Variants in FCHSD2 observed in about 807,000 individuals in gnomAD.
FCHSD2 encodes FCH and double SH3 domains 2.
In FCHSD2, 38 loss-of-function variants were observed where a neutral mutation model predicts 108.1. The observed-to-expected ratio is 0.35, with a 90% CI of 0.27 to 0.46. The LOEUF is 0.46. FCHSD2 is among the 20% of genes least tolerant of loss of function. The pLI is 1.00. For synonymous variants in FCHSD2, 279 were observed against 314.7 expected (o/e 0.89, Z 1.20); for missense variants, 751 against 897.8 (o/e 0.84, Z 2.09).
intron 11 of FCHSD2, 149 bp downstream of exon 11, chr11:72,889,680 T>G (rs575124792): frequency 5.5e-5 from 32 of 580,762 alleles, no homozygotes; most frequent in Non-Finnish European, 9.3e-5. Flanking sequence ...ACCACTGCCC[T>G]TCAACCTGGG....
chr11:73,124,188 C>G (rs1418180531), intron 2 of FCHSD2, among the ~76,000 whole-genome samples: 2 of 152,142 alleles, frequency 1.3e-5, no homozygotes, highest in African/African-American at 2.4e-5. Flanking sequence ...CATGTTCTCA[C>G]TCATGGATGG....
intron 9 of FCHSD2, among the ~76,000 whole-genome samples, chr11:72,907,882 C>A (rs1855667331): frequency 6.6e-6 from 1 of 152,072 alleles, no homozygotes; most frequent in African/African-American, 2.4e-5. Flanking sequence ...CGTGAGCCAC[C>A]ATGCCTGGCT....
Position 73,083,755 on chromosome 11 carries a change from A to G in FCHSD2, c.120-15T>C. The G allele has an allele frequency of 1.3e-6, 2 of 1,482,590 alleles. No individual in the cohort carries two copies. Among genetic ancestry groups the G allele is most frequent in the African/African-American group, 2.8e-5 (2 of 71,948 alleles). The allele number at this position is 1,482,590 out of a possible 1,614,324, so 91.8% of individuals were successfully genotyped here. On this transcript the variant is annotated splice_polypyrimidine_tract_variant and intron_variant, in intron 2 of 19. Coordinates refer to ENST00000409418, the MANE Select transcript of FCHSD2 (RefSeq NM_014824.3). ...GACTGAATGTCCTAAAAATACAAAGAAAAATTAATTACCAGAAGGATAACT... is the reference window on the plus strand; with the variant it reads ...GACTGAATGTCCTAAAAATACAAAGGAAAATTAATTACCAGAAGGATAACT...
chr11:72,993,029 C>T (rs1464058675), intron 5 of FCHSD2, among the ~76,000 whole-genome samples: 4 of 152,098 alleles, frequency 2.6e-5, no homozygotes, highest in Non-Finnish European at 5.9e-5. Context: ...GGCTAATAAC[C>T]AGAATCTACA....
chr11:73,109,523 T>C (rs1173914095), intron 2 of FCHSD2, among the ~76,000 whole-genome samples: 4 of 152,192 alleles, frequency 2.6e-5, no homozygotes, highest in Non-Finnish European at 5.9e-5. Context: ...TTGTTCACTG[T>C]TGGCATACAG....
At chr11:72,974,312 T>C (rs911923829) in intron 8 of FCHSD2, among the ~76,000 whole-genome samples, 1 of 152,194 alleles carries the variant, frequency 6.6e-6, no homozygotes, top group South Asian at 2.1e-4. Context: ...CTTTTCCTTT[T>C]ATCAGGAACC....
chr11:73,114,840 G>A (rs193026093), intron 2 of FCHSD2, among the ~76,000 whole-genome samples: 132 of 152,134 alleles, frequency 8.7e-4, no homozygotes, highest in African/African-American at 2.8e-3. Context: ...CTTCTCAAGC[G>A]GAAGGAGGGG....
intron 8 of FCHSD2, among the ~76,000 whole-genome samples, chr11:72,930,839 T>C (rs939489467): frequency 2.0e-5 from 3 of 152,102 alleles, no homozygotes; most frequent in African/African-American, 7.2e-5. Context: ...GGATGGCTAA[T>C]GGGTACAAAA....
chr11:73,139,649 C>T (rs1321637058), intron 2 of FCHSD2, among the ~76,000 whole-genome samples: 2 of 152,190 alleles, frequency 1.3e-5, no homozygotes, highest in East Asian at 1.9e-4. Context: ...TTGACTGGCT[C>T]ACCCCCAGAT....
At chr11:72,886,559 C>G (rs1055234740) in intron 12 of FCHSD2, among the ~76,000 whole-genome samples, 1 of 152,130 alleles carries the variant, frequency 6.6e-6, no homozygotes, top group African/African-American at 2.4e-5. Context: ...CTAACAAGAA[C>G]CTAATCTTTT....
intron 3 of FCHSD2, among the ~76,000 whole-genome samples, chr11:73,045,055 G>A (rs574557158): frequency 1.4e-5 from 2 of 147,644 alleles, no homozygotes; most frequent in Admixed American, 6.9e-5. Context: ...GGGCGACAGA[G>A]CAAGACTCCA....
At chr11:72,926,785 G>A (rs1002909449) in intron 8 of FCHSD2, among the ~76,000 whole-genome samples, 1 of 152,176 alleles carries the variant, frequency 6.6e-6, no homozygotes, top group Non-Finnish European at 1.5e-5. Flanking sequence ...CAGAGATCCC[G>A]TAACAAAAGG....
At chr11:73,058,648 T>C (rs957794768) in intron 3 of FCHSD2, among the ~76,000 whole-genome samples, 1 of 150,992 alleles carries the variant, frequency 6.6e-6, no homozygotes, top group Non-Finnish European at 1.5e-5. Flanking sequence ...CAGGCTGGAG[T>C]TCAGTGGTGT....
At chr11:73,014,865 C>A (rs1305134133) in intron 4 of FCHSD2, among the ~76,000 whole-genome samples, 1 of 150,626 alleles carries the variant, frequency 6.6e-6, no homozygotes, top group African/African-American at 2.4e-5. Context: ...TTTTTTTGAG[C>A]TGGAGTCTCA....
intron 8 of FCHSD2, among the ~76,000 whole-genome samples, chr11:72,982,068 AC>A (rs1296999032): frequency 6.6e-6 from 1 of 152,242 alleles, no homozygotes; most frequent in Non-Finnish European, 1.5e-5. Flanking sequence ...AGATGACAAA[AC>A]AGTTCCTTGT....
chr11:72,917,636 A>G (rs893637007), intron 9 of FCHSD2, among the ~76,000 whole-genome samples: 1 of 152,248 alleles, frequency 6.6e-6, no homozygotes, highest in Non-Finnish European at 1.5e-5. Context: ...CTGTAATCCC[A>G]GCACTTTGGG....
intron 9 of FCHSD2, among the ~76,000 whole-genome samples, chr11:72,917,307 C>T (rs1855893809): frequency 1.3e-5 from 2 of 152,122 alleles, no homozygotes; most frequent in African/African-American, 4.8e-5. Flanking sequence ...TTGCATGTGG[C>T]TATCCAGCTG....
At position 72,989,909 on chromosome 11, in the gene FCHSD2, AG is replaced by A. The variant is rs140484268; in HGVS notation, c.388-813del. ...GAGACTGGCAAAAGCTCAGCAAAGC[AG>A]GAGGAGACACTGGTGAAGGACTATT... On this transcript the variant is annotated intron_variant, in intron 5 of 19. Coordinates refer to ENST00000409418, the MANE Select transcript of FCHSD2 (RefSeq NM_014824.3). Among the ~76,000 whole-genome samples the A allele has an allele frequency of 7.9e-3, 1,209 of 152,318 alleles. 20 individuals carry two copies. Among genetic ancestry groups the A allele is most frequent in the African/African-American group, 0.027 (1,133 of 41,574 alleles).
intron 2 of FCHSD2, among the ~76,000 whole-genome samples, chr11:73,088,315 G>C (rs1457362774): frequency 1.3e-5 from 2 of 152,156 alleles, no homozygotes; most frequent in East Asian, 1.9e-4. Flanking sequence ...AGGAGCAATA[G>C]GCTATATCAT....
Sources: gnomAD v4.1 joint callset for allele counts (sites outside exome capture counted in the v4.1 genomes callset) on GRCh38, gnomAD v4.1.1 for gene constraint, MANE v1.5 for transcripts, NCBI Gene and HGNC (gene_info 2026-07-23, HGNC 2026-07-21) for gene names.